IL12RB1: variants seen among roughly 807,000 people sequenced by gnomAD.
IL12RB1 encodes interleukin-12 receptor subunit beta-1.
Under a neutral mutation model 94.4 loss-of-function variants are expected in IL12RB1, and 64 were observed. The ratio of observed to expected loss-of-function variants is 0.68; its 90% CI spans 0.55 to 0.83. The LOEUF (loss-of-function observed/expected upper bound fraction) is 0.83. IL12RB1 is among the 40% of genes least tolerant of loss of function. The probability of loss-of-function intolerance (pLI) is 0.00; values close to 1 mark genes in which losing one functional copy is unlikely to be tolerated. For missense variants in IL12RB1, 814 were observed against 855.6 expected (o/e 0.95, Z 0.61); for synonymous variants, 362 against 355.5 (o/e 1.02, Z -0.21).
rs959907651 is a variant in IL12RB1, at chr19:18,064,029, C to T, written c.1484-19G>A. On this transcript the variant is annotated intron_variant, in intron 12 of 16. Coordinates refer to ENST00000593993, the MANE Select transcript of IL12RB1 (RefSeq NM_005535.3). ...GGATGCTCTGCAGTGGGAGAGGCAACCCTGAGTCCTGGGACCTCTTTACTC... is the reference window on the plus strand; with the variant it reads ...GGATGCTCTGCAGTGGGAGAGGCAATCCTGAGTCCTGGGACCTCTTTACTC... The T allele has an allele frequency of 1.2e-6, 2 of 1,604,268 alleles. No homozygotes were observed. Among genetic ancestry groups the T allele is most frequent in the Non-Finnish European group, 1.7e-6 (2 of 1,172,040 alleles).
chr19:18,063,639 T>G lies in IL12RB1; in HGVS notation c.1618+237A>C, dbSNP rs141730523. ...AAGGACGAATAGGAGTTGGACCGTG[T>G]GGAAAACAAACATTCCAGGCAGGAG... On this transcript the variant is annotated intron_variant, in intron 13 of 16. Coordinates refer to ENST00000593993, the MANE Select transcript of IL12RB1 (RefSeq NM_005535.3). Among the ~76,000 whole-genome samples the G allele has an allele frequency of 1.5e-3, 234 of 152,210 alleles. No homozygotes were observed. In the Middle Eastern group the frequency reaches 0.02, roughly 13 times the overall value.
chr19:18,092,184 CTTTT>C (rs112888209), intron 1 of IL12RB1, among the ~76,000 whole-genome samples: 1 of 129,440 alleles, frequency 7.7e-6, no homozygotes, highest in Admixed American at 7.9e-5. Flanking sequence ...GACCATCCAG[CTTTT>C]TTTTTTTTTT....
chr19:18,096,300 C>T (rs1338096543), intron 1 of IL12RB1, among the ~76,000 whole-genome samples: 1 of 152,016 alleles, frequency 6.6e-6, no homozygotes, highest in African/African-American at 2.4e-5. Flanking sequence ...CTTTTCTCAG[C>T]CTCAGTTTCC....
chr19:18,081,095 G>A lies in IL12RB1; in HGVS notation c.240-94C>T, dbSNP rs1383536924. 4 of 1,181,020 alleles carry A rather than the reference G, an allele frequency of 3.4e-6. No homozygotes were observed. In the East Asian group the frequency reaches 7.6e-5, roughly 22 times the overall value. 73.2% of individuals were successfully genotyped at this position (1,181,020 alleles called of 1,614,324 possible). On this transcript the variant is annotated intron_variant, in intron 3 of 16. Transcript: ENST00000593993. ...ATCACATCCCAGCATCGTTTTTTTG[G>A]TGTTTGTTTGTTTGTTTGGAGATGG...
Position 18,059,444 on chromosome 19 carries a change from G to A in IL12RB1, c.*164C>T. On this transcript the variant is annotated 3_prime_UTR_variant, in exon 17 of 17. Coordinates refer to ENST00000593993, the MANE Select transcript of IL12RB1 (RefSeq NM_005535.3). ...GTGCAGCAGCTTCCATTTCATGGCA[G>A]CATCTAGGGTTCCCCCGCAGGATGG... The A allele has an allele frequency of 1.6e-6, 1 of 643,778 alleles. No individual in the cohort carries two copies. Among genetic ancestry groups the A allele is most frequent in the East Asian group, 2.8e-5 (1 of 36,316 alleles). The allele number at this position is 643,778 out of a possible 1,614,324, so 39.9% of individuals were successfully genotyped here. A position where few individuals can be genotyped will look rare whatever the true frequency, so the allele number is the denominator to read the frequency against.
chr19:18,066,213 T>G (rs1197065910), intron 12 of IL12RB1, among the ~76,000 whole-genome samples: 2 of 151,956 alleles, frequency 1.3e-5, no homozygotes, highest in East Asian at 3.9e-4. Flanking sequence ...GTTCAAGCGA[T>G]TCTCCTGCCT....
intron 7 of IL12RB1, among the ~76,000 whole-genome samples, chr19:18,075,508 G>A (rs1396804530): frequency 2.0e-5 from 3 of 151,940 alleles, no homozygotes; most frequent in East Asian, 1.9e-4. Context: ...TGATCTGCCC[G>A]CCTCAGCCTC....
intron 5 of IL12RB1, 28 bp downstream of exon 5, chr19:18,077,488 C>T: frequency 6.3e-7 from 1 of 1,586,460 alleles, no homozygotes; most frequent in Non-Finnish European, 8.6e-7. Flanking sequence ...AGGCCCGTGT[C>T]CACCCTGGAC....
chr19:18,083,155 G>T, intron 2 of IL12RB1: 1 of 573,688 alleles, frequency 1.7e-6, no homozygotes. Context: ...TGCTTAACAG[G>T]TACTTTCTCC....
chr19:18,071,135 G>A (rs2035005078), intron 9 of IL12RB1: 1 of 313,256 alleles, frequency 3.2e-6, no homozygotes, highest in South Asian at 2.5e-5. Context: ...CACTTTGGGA[G>A]GCCAAGGCAG....
intron 7 of IL12RB1, among the ~76,000 whole-genome samples, chr19:18,073,935 C>T (rs765322391): frequency 5.9e-5 from 9 of 152,220 alleles, no homozygotes; most frequent in Non-Finnish European, 1.2e-4. Flanking sequence ...AGCGATTCTC[C>T]TGCCTCAGCC....
chr19:18,064,786 C>T (rs2034455262), intron 12 of IL12RB1, among the ~76,000 whole-genome samples: 1 of 152,070 alleles, frequency 6.6e-6, no homozygotes, highest in African/African-American at 2.4e-5. Flanking sequence ...CTTGTTGGAT[C>T]TTTGGGCAGG....
At chr19:18,097,644 A>C (rs1048752845) in intron 1 of IL12RB1, 1 of 360,340 alleles carries the variant, frequency 2.8e-6, no homozygotes. Context: ...CAGCTCGCCC[A>C]GTGGGGGCGG....
At position 18,083,129 on chromosome 19, in the gene IL12RB1, G is replaced by GA. The variant is rs960610837; in HGVS notation, c.124+302_124+303insT. 8 of 547,100 alleles carry GA rather than the reference G, an allele frequency of 1.5e-5. No individual in the cohort carries two copies. In the African/African-American group the frequency reaches 1.5e-4, roughly 10 times the overall value. 33.9% of individuals were successfully genotyped at this position (547,100 alleles called of 1,614,324 possible). ...ATGTTCTAATAATTTATCAGGTTGG[G>GA]GGGGGGGCTTCAAAATGCTTAACAG... is the stretch of plus-strand genomic sequence containing the variant. On this transcript the variant is annotated intron_variant, in intron 2 of 16. Coordinates refer to ENST00000593993, the MANE Select transcript of IL12RB1 (RefSeq NM_005535.3).
Position 18,093,342 on chromosome 19 carries a change from A to ATATATATATATT in IL12RB1, c.-229-2574_-229-2573insAATATATATATA, listed in dbSNP as rs770713233. On this transcript the variant is annotated intron_variant, in intron 1 of 4. Coordinates refer to the IL12RB1 transcript ENST00000594176. Reference sequence around the variant, plus strand: ...AACAAAAAAACACAAATATATATATATATATACTTGTGTGTGTGCGTGTGT... The same window carrying ATATATATATATT: ...AACAAAAAAACACAAATATATATATATATATATATATTTATATACTTGTGTGTGTGCGTGTGT... Among the ~76,000 whole-genome samples, 395 of 149,814 alleles carry ATATATATATATT rather than the reference A, an allele frequency of 2.6e-3. 2 individuals are homozygous for ATATATATATATT. Among genetic ancestry groups the ATATATATATATT allele is most frequent in the South Asian group, 0.011 (53 of 4,770 alleles).
intron 1 of IL12RB1, among the ~76,000 whole-genome samples, chr19:18,097,067 T>C (rs1026125764): frequency 2.6e-5 from 4 of 152,344 alleles, no homozygotes; most frequent in Non-Finnish European, 4.4e-5. Context: ...ATTATTTCTC[T>C]TGATGGCTGA....
intron 1 of IL12RB1, among the ~76,000 whole-genome samples, chr19:18,083,857 A>G (rs1412809918): frequency 1.4e-5 from 2 of 144,214 alleles, no homozygotes; most frequent in African/African-American, 2.6e-5. Context: ...CCATCCATCC[A>G]CTCATCTACC....
At chr19:18,093,820 G>T (rs1418584660) in intron 1 of IL12RB1, among the ~76,000 whole-genome samples, 4 of 152,148 alleles carry the variant, frequency 2.6e-5, no homozygotes, top group East Asian at 1.9e-4. Context: ...GCTACAGCCT[G>T]AAGTTCACTT....
upstream of IL12RB1, among the ~76,000 whole-genome samples, chr19:18,089,468 T>C (rs1224282658): frequency 6.6e-6 from 1 of 151,534 alleles, no homozygotes; most frequent in Non-Finnish European, 1.5e-5. Flanking sequence ...CTACTAAAAA[T>C]ACAAAAATTA....
Sources: allele counts gnomAD v4.1 joint callset (sites outside exome capture counted in the v4.1 genomes callset), GRCh38; gene constraint gnomAD v4.1.1; transcripts MANE v1.5; gene names NCBI Gene and HGNC (gene_info 2026-07-23, HGNC 2026-07-21).